Variants in AUTS2 observed in about 807,000 individuals in gnomAD.
The protein encoded by AUTS2 is activator of transcription and developmental regulator AUTS2.
AUTS2 carries 17 observed loss-of-function variants against 112.4 expected under a neutral mutation model. The observed-to-expected ratio is 0.15, with a 90% confidence interval of 0.10 to 0.23. The LOEUF (loss-of-function observed/expected upper bound fraction) is 0.23. Ranked by LOEUF, AUTS2 falls within the 10% of genes least tolerant of loss-of-function variation. The pLI, the probability that AUTS2 is intolerant of heterozygous loss-of-function variation, is 1.00. For synonymous variants in AUTS2, 751 were observed against 702.7 expected (o/e 1.07, Z -1.09); for missense variants, 1,510 against 1,701.6 (o/e 0.89, Z 1.98).
intron 5 of AUTS2, among the ~76,000 whole-genome samples, chr7:70,449,793 T>G (rs1796457106): frequency 6.6e-6 from 1 of 152,190 alleles, no homozygotes; most frequent in African/African-American, 2.4e-5. Context: ...GCCATAGAAA[T>G]ACACAGGATT....
intron 2 of AUTS2, among the ~76,000 whole-genome samples, chr7:69,936,127 T>C (rs1270813454): frequency 6.6e-6 from 1 of 152,170 alleles, no homozygotes; most frequent in African/African-American, 2.4e-5. Flanking sequence ...GAGTGTCACC[T>C]GTATTTTCCT....
chr7:69,956,178 A>G (rs1797201524), intron 2 of AUTS2, among the ~76,000 whole-genome samples: 1 of 151,886 alleles, frequency 6.6e-6, no homozygotes, highest in South Asian at 2.1e-4. Flanking sequence ...TGACCACACT[A>G]ATTGTGCTGG....
At chr7:70,553,760 CTTTTTTTT>C (rs71531706) in intron 5 of AUTS2, among the ~76,000 whole-genome samples, 2 of 56,116 alleles carry the variant, frequency 3.6e-5, no homozygotes, top group African/African-American at 1.5e-4. Flanking sequence ...GCCTTTCTTT[CTTTTTTTT>C]TTTTTTTTTT....
chr7:69,901,518 G>C (rs1794970993), intron 2 of AUTS2, among the ~76,000 whole-genome samples: 2 of 152,146 alleles, frequency 1.3e-5, no homozygotes, highest in Non-Finnish European at 2.9e-5. Flanking sequence ...TCTTAAATTT[G>C]AGTAGCTTTT....
intron 4 of AUTS2, among the ~76,000 whole-genome samples, chr7:70,397,084 A>G (rs1341563533): frequency 7.3e-6 from 1 of 136,344 alleles, no homozygotes; most frequent in Non-Finnish European, 1.6e-5. Flanking sequence ...TTTTTTTGAG[A>G]TGGAATTTTG....
intron 2 of AUTS2, among the ~76,000 whole-genome samples, chr7:70,111,564 A>G (rs1805090233): frequency 6.6e-6 from 1 of 152,178 alleles, no homozygotes; most frequent in Admixed American, 6.5e-5. Context: ...AGAATCTTAA[A>G]TTCTTGTGAA....
At chr7:70,756,694 A>C (rs1025016651) in intron 6 of AUTS2, among the ~76,000 whole-genome samples, 9 of 152,166 alleles carry the variant, frequency 5.9e-5, no homozygotes, top group Admixed American at 5.9e-4. Flanking sequence ...ACTCACACAA[A>C]TACATGGTCA....
At position 70,072,291 on chromosome 7, in the gene AUTS2, G is replaced by A. The variant is rs951537786; in HGVS notation, c.523-45841G>A. ...AGAAAGCTTAGCAGGCCTAGCATGA[G>A]GCCTGAGTTATTCTCTCCTTTTAGG... On this transcript the variant is annotated intron_variant, in intron 2 of 18. Transcript: ENST00000342771. Among the ~76,000 whole-genome samples, 62 of 152,138 alleles carry A rather than the reference G, an allele frequency of 4.1e-4. 1 individual carries two copies. The highest frequency in any genetic ancestry group is 1.5e-4 in the Non-Finnish European group (10 of 68,034).
chr7:69,960,528 C>T lies in AUTS2; in HGVS notation c.522+61030C>T, dbSNP rs1797387077. ...TTGGCTGCCATTTATCTGTGTAATT[C>T]TGTGTATAAAGGGAGTAGGTATATG... is the stretch of plus-strand genomic sequence containing the variant. On this transcript the variant is annotated intron_variant, in intron 2 of 18. Transcript: ENST00000342771. 8.5e-5 allele frequency among the ~76,000 whole-genome samples: 13 copies of T among 152,200 alleles called. 1 individual carries two copies. The South Asian group carries it at 2.7e-3, about 32-fold the overall frequency.
chr7:70,118,360 C>T lies in AUTS2; in HGVS notation c.624+127C>T, dbSNP rs1584749346. On this transcript the variant is annotated intron_variant, in intron 3 of 18. Transcript: ENST00000342771. Reference sequence around the variant, plus strand: ...CTTTAGAACTTTTTGTCTACCCAAGCATTGCGGTTCACATTATCTTTGTAT... The same window carrying T: ...CTTTAGAACTTTTTGTCTACCCAAGTATTGCGGTTCACATTATCTTTGTAT... The T allele has an allele frequency of 4.5e-6, 5 of 1,121,546 alleles. No homozygotes were observed. In the East Asian group the frequency reaches 1.4e-4, roughly 33 times the overall value. 69.5% of individuals were successfully genotyped at this position (1,121,546 alleles called of 1,614,324 possible). A position where few individuals can be genotyped will look rare whatever the true frequency, so the allele number is the denominator to read the frequency against.
At chr7:69,758,774 A>C (rs1448051292) in intron 1 of AUTS2, among the ~76,000 whole-genome samples, 2 of 152,064 alleles carry the variant, frequency 1.3e-5, no homozygotes, top group African/African-American at 4.8e-5. Context: ...CTTCTGAGCA[A>C]TCTTTGCAGA....
chr7:69,622,771 C>A (rs1793737845), intron 1 of AUTS2, among the ~76,000 whole-genome samples: 1 of 152,174 alleles, frequency 6.6e-6, no homozygotes, highest in Admixed American at 6.5e-5. Flanking sequence ...GAAAAATATT[C>A]AGAAAAGCCT....
chr7:69,899,202 C>T (rs1794869556), intron 1 of AUTS2, 84 bp from the exon 2 acceptor site: 1 of 1,012,572 alleles, frequency 9.9e-7, no homozygotes, highest in Non-Finnish European at 1.5e-6. Flanking sequence ...TAGTAACACC[C>T]TTTAGTATTT....
At chr7:69,800,999 T>G (rs1003307931) in intron 1 of AUTS2, among the ~76,000 whole-genome samples, 1 of 152,080 alleles carries the variant, frequency 6.6e-6, no homozygotes, top group African/African-American at 2.4e-5. Context: ...TGCTGTATGC[T>G]TCTATGGTCC....
chr7:69,841,999 A>G (rs1792001770), intron 1 of AUTS2, among the ~76,000 whole-genome samples: 1 of 152,204 alleles, frequency 6.6e-6, no homozygotes, highest in Admixed American at 6.5e-5. Flanking sequence ...AAGTTTTAAC[A>G]ATTTTGAATC....
chr7:69,716,216 CTGTGTGTG>C (rs1230142346), intron 1 of AUTS2, among the ~76,000 whole-genome samples: 2 of 151,156 alleles, frequency 1.3e-5, no homozygotes, highest in South Asian at 2.1e-4. Flanking sequence ...CTCTGTGTGT[CTGTGTGTG>C]TGTGTTTGTG....
chr7:70,010,789 T>A (rs1240883638), intron 2 of AUTS2, among the ~76,000 whole-genome samples: 1 of 152,222 alleles, frequency 6.6e-6, no homozygotes, highest in East Asian at 1.9e-4. Context: ...TATTCTCCAG[T>A]ATCACCAAAC....
intron 2 of AUTS2, among the ~76,000 whole-genome samples, chr7:69,938,413 G>T (rs901334026): frequency 1.3e-5 from 2 of 152,302 alleles, no homozygotes; most frequent in African/African-American, 4.8e-5. Flanking sequence ...TTTTGCTGTT[G>T]CAGGAGGAAA....
chr7:70,098,789 G>A (rs545265086), intron 2 of AUTS2, among the ~76,000 whole-genome samples: 17 of 150,406 alleles, frequency 1.1e-4, no homozygotes, highest in Admixed American at 4.0e-4. Flanking sequence ...TGCAACCTCC[G>A]CCTCTTGGGT....
Sources: gnomAD v4.1 joint callset for allele counts (sites outside exome capture counted in the v4.1 genomes callset) on GRCh38, gnomAD v4.1.1 for gene constraint, MANE v1.5 for transcripts, NCBI Gene and HGNC (gene_info 2026-07-23, HGNC 2026-07-21) for gene names.